CSMD1: variants seen among roughly 807,000 people sequenced by gnomAD.
The protein encoded by CSMD1 is CUB and sushi domain-containing protein 1.
CSMD1 carries 213 observed loss-of-function variants against 417.5 expected under a neutral mutation model. The observed-to-expected ratio is 0.51, with a 90% CI of 0.46 to 0.57. CSMD1 has a LOEUF of 0.57. Ranked by LOEUF, CSMD1 falls within the 20% of genes least tolerant of loss-of-function variation. The probability of loss-of-function intolerance (pLI) is 0.00; values close to 1 mark genes in which losing one functional copy is unlikely to be tolerated. For synonymous variants in CSMD1, 2,862 were observed against 1,736.8 expected, an observed-to-expected ratio of 1.65 and a Z score of -16.11; for missense variants, 6,923 against 4,529.7, an observed-to-expected ratio of 1.53 and a Z score of -15.17.
chr8:3,773,195 G>C (rs913240197), intron 5 of CSMD1, among the ~76,000 whole-genome samples: 4 of 152,304 alleles, frequency 2.6e-5, no homozygotes, highest in Non-Finnish European at 4.4e-5. Flanking sequence ...CTGACATTTA[G>C]ACGATGGCAT....
intron 21 of CSMD1, among the ~76,000 whole-genome samples, chr8:3,355,028 T>G (rs1039898964): frequency 7.4e-5 from 10 of 134,546 alleles, no homozygotes; most frequent in Non-Finnish European, 1.4e-4. Flanking sequence ...GCAAGATATT[T>G]TGTTTCACTA....
intron 9 of CSMD1, among the ~76,000 whole-genome samples, chr8:3,576,936 T>C (rs987014479): frequency 2.6e-5 from 4 of 152,242 alleles, no homozygotes; most frequent in African/African-American, 4.8e-5. Context: ...GTTATAAACA[T>C]CATGTAGCGT....
chr8:3,796,462 T>C (rs1376825893), intron 5 of CSMD1, among the ~76,000 whole-genome samples: 6 of 139,134 alleles, frequency 4.3e-5, no homozygotes, highest in African/African-American at 1.6e-4. Flanking sequence ...TATAGATATC[T>C]ATCATGTATA....
intron 1 of CSMD1, among the ~76,000 whole-genome samples, chr8:4,795,439 C>T (rs1797926022): frequency 6.6e-6 from 1 of 151,136 alleles, no homozygotes; most frequent in South Asian, 2.1e-4. Flanking sequence ...GCCAGGCTAA[C>T]TTTTGTATTT....
chr8:2,992,115 T>C (rs540240783), intron 54 of CSMD1, among the ~76,000 whole-genome samples: 1 of 152,274 alleles, frequency 6.6e-6, no homozygotes, highest in East Asian at 1.9e-4. Flanking sequence ...AACACATGCA[T>C]GAATAGTACA....
At chr8:4,105,670 G>C (rs1273889670) in intron 3 of CSMD1, among the ~76,000 whole-genome samples, 1 of 152,210 alleles carries the variant, frequency 6.6e-6, no homozygotes, top group Non-Finnish European at 1.5e-5. Context: ...GACCCCATTA[G>C]CAGGTTTACC....
At chr8:3,588,061 A>T (rs1800681659) in intron 8 of CSMD1, among the ~76,000 whole-genome samples, 1 of 151,156 alleles carries the variant, frequency 6.6e-6, no homozygotes, top group South Asian at 2.1e-4. Flanking sequence ...TCTGTGTTTA[A>T]ACCTCATTTA....
intron 5 of CSMD1, among the ~76,000 whole-genome samples, chr8:3,979,727 T>C (rs1430063540): frequency 6.6e-6 from 1 of 152,226 alleles, no homozygotes; most frequent in Non-Finnish European, 1.5e-5. Context: ...GCTGGAACCT[T>C]GATCCTAAAC....
chr8:3,055,827 C>T (rs1282529666), intron 49 of CSMD1, among the ~76,000 whole-genome samples: 2 of 152,168 alleles, frequency 1.3e-5, no homozygotes, highest in Non-Finnish European at 2.9e-5. Context: ...TGAGTCAGTT[C>T]TTGCTGTACC....
intron 1 of CSMD1, among the ~76,000 whole-genome samples, chr8:4,952,003 T>G (rs1447782420): frequency 3.3e-5 from 5 of 151,216 alleles, no homozygotes; most frequent in Admixed American, 6.6e-5. Context: ...TTAAAAGGTT[T>G]TAATTATATA....
chr8:4,177,461 G>C (rs766424972), intron 3 of CSMD1, among the ~76,000 whole-genome samples: 4 of 151,964 alleles, frequency 2.6e-5, no homozygotes, highest in South Asian at 4.2e-4. Flanking sequence ...AGCACTAAAT[G>C]TCCACAAGAG....
At chr8:4,838,372 G>T (rs1292102626) in intron 1 of CSMD1, among the ~76,000 whole-genome samples, 2 of 152,272 alleles carry the variant, frequency 1.3e-5, no homozygotes, top group Middle Eastern at 3.4e-3. Flanking sequence ...AATTATTGAA[G>T]ATAGAAAAAT....
At chr8:4,345,705 G>C (rs1200778575) in intron 3 of CSMD1, among the ~76,000 whole-genome samples, 2 of 151,970 alleles carry the variant, frequency 1.3e-5, no homozygotes, top group Admixed American at 1.3e-4. Flanking sequence ...TTTTTAAAAA[G>C]GCTCAACGTC....
At chr8:3,964,281 C>T (rs1211047919) in intron 5 of CSMD1, among the ~76,000 whole-genome samples, 1 of 152,174 alleles carries the variant, frequency 6.6e-6, no homozygotes, top group African/African-American at 2.4e-5. Context: ...AGCTCACAGG[C>T]TGCTTTAGGG....
chr8:4,036,491 C>A (rs966667951), intron 3 of CSMD1, among the ~76,000 whole-genome samples: 1 of 152,036 alleles, frequency 6.6e-6, no homozygotes, highest in Non-Finnish European at 1.5e-5. Context: ...TTGTAAACAC[C>A]CATCTCTTCA....
intron 5 of CSMD1, among the ~76,000 whole-genome samples, chr8:3,919,765 A>T (rs1480808451): frequency 6.6e-6 from 1 of 152,124 alleles, no homozygotes. Context: ...CAATCCAGGA[A>T]CACAAGCTAT....
At chr8:4,038,966 T>C (rs559733891) in intron 3 of CSMD1, among the ~76,000 whole-genome samples, 1 of 152,228 alleles carries the variant, frequency 6.6e-6, no homozygotes, top group Admixed American at 6.5e-5. Flanking sequence ...AATTGGGCTA[T>C]CACATCAAAC....
chr8:4,904,814 A>G (rs949516350), intron 1 of CSMD1, among the ~76,000 whole-genome samples: 1 of 152,206 alleles, frequency 6.6e-6, no homozygotes, highest in Non-Finnish European at 1.5e-5. Context: ...CATGAAACAG[A>G]AAGTCTGGCA....
chr8:3,703,656 G>A (rs144253038), intron 7 of CSMD1, among the ~76,000 whole-genome samples: 2 of 152,308 alleles, frequency 1.3e-5, no homozygotes, highest in East Asian at 1.9e-4. Flanking sequence ...GCAGGAAGAA[G>A]CAGAGGAAGA....
Sources: gnomAD v4.1 joint callset for allele counts (sites outside exome capture counted in the v4.1 genomes callset) on GRCh38, gnomAD v4.1.1 for gene constraint, MANE v1.5 for transcripts, NCBI Gene and HGNC (gene_info 2026-07-23, HGNC 2026-07-21) for gene names.